ADAMTSL1: variants seen among roughly 807,000 people sequenced by gnomAD.
ADAMTSL1 encodes the protein ADAMTS-like protein 1.
In ADAMTSL1, 126 loss-of-function variants were observed where a neutral mutation model predicts 201.8. The ratio of observed to expected loss-of-function variants is 0.62; its 90% CI spans 0.54 to 0.72. The LOEUF (loss-of-function observed/expected upper bound fraction) is 0.72, where lower values mean the gene tolerates loss of function less well. Among genes scored for constraint, ADAMTSL1 ranks in the 30% least tolerant of loss-of-function variants. The probability of loss-of-function intolerance (pLI) is 0.00; values close to 1 mark genes in which losing one functional copy is unlikely to be tolerated. For synonymous variants in ADAMTSL1, 1,121 were observed against 903.4 expected (o/e 1.24, Z -4.32); for missense variants, 2,679 against 2,277.8 (o/e 1.18, Z -3.59).
intron 1 of ADAMTSL1, among the ~76,000 whole-genome samples, chr9:18,018,884 G>C (rs1346371504): frequency 6.6e-6 from 1 of 152,036 alleles, no homozygotes; most frequent in Non-Finnish European, 1.5e-5. Flanking sequence ...CTGGAAGTGG[G>C]AGCATTGCCA....
In ADAMTSL1 at chr9:18,192,957, A is replaced by G. The variant is rs113087471; in HGVS notation, c.207+28976A>G. On this transcript the variant is annotated intron_variant, in intron 2 of 29. Coordinates refer to the ADAMTSL1 transcript ENST00000680146. ...TTCCTATTTTAACTTTATATATAATATACACAGGAACTATCTAACCAGAGA... is the reference window on the plus strand; with the variant it reads ...TTCCTATTTTAACTTTATATATAATGTACACAGGAACTATCTAACCAGAGA... Among the ~76,000 whole-genome samples the G allele has an allele frequency of 3.9e-5, 6 of 152,312 alleles. 2 individuals carry two copies. The highest frequency in any genetic ancestry group is 1.4e-4 in the African/African-American group (6 of 41,584).
intron 2 of ADAMTSL1, among the ~76,000 whole-genome samples, chr9:18,199,339 G>A (rs1829332474): frequency 6.6e-6 from 1 of 152,022 alleles, no homozygotes; most frequent in Non-Finnish European, 1.5e-5. Context: ...ATGCAGGTCA[G>A]TGTGTATTTT....
chr9:18,391,257 C>T (rs776757521), intron 2 of ADAMTSL1, among the ~76,000 whole-genome samples: 13 of 152,076 alleles, frequency 8.5e-5, no homozygotes, highest in Non-Finnish European at 1.5e-4. Context: ...ACTTTCTTGG[C>T]CTTTTCAAGT....
chr9:17,974,487 G>C (rs1450072340), intron 1 of ADAMTSL1, among the ~76,000 whole-genome samples: 1 of 151,908 alleles, frequency 6.6e-6, no homozygotes, highest in East Asian at 1.9e-4. Context: ...CTACGTAACT[G>C]AAACTTTGTA....
intron 2 of ADAMTSL1, among the ~76,000 whole-genome samples, chr9:18,298,545 G>T (rs906605096): frequency 6.6e-6 from 1 of 152,004 alleles, no homozygotes; most frequent in African/African-American, 2.4e-5. Context: ...GTGTGTGCAC[G>T]TGTGTGTCCG....
chr9:18,878,380 C>T (rs1456134393), intron 23 of ADAMTSL1, among the ~76,000 whole-genome samples: 1 of 152,242 alleles, frequency 6.6e-6, no homozygotes, highest in East Asian at 1.9e-4. Flanking sequence ...GGTCTTTCCC[C>T]AATTCCACTG....
At chr9:18,155,950 T>C (rs569894626) in intron 1 of ADAMTSL1, among the ~76,000 whole-genome samples, 1 of 152,142 alleles carries the variant, frequency 6.6e-6, no homozygotes, top group African/African-American at 2.4e-5. Flanking sequence ...GGAAGAGCTA[T>C]CAGATTGCAG....
intron 23 of ADAMTSL1, among the ~76,000 whole-genome samples, chr9:18,835,415 C>A (rs1332535828): frequency 6.6e-6 from 1 of 152,078 alleles, no homozygotes; most frequent in Non-Finnish European, 1.5e-5. Flanking sequence ...CAGTCAGCAG[C>A]TATATTTTCA....
chr9:18,050,016 A>G (rs1821858167), intron 1 of ADAMTSL1, among the ~76,000 whole-genome samples: 1 of 152,220 alleles, frequency 6.6e-6, no homozygotes, highest in Non-Finnish European at 1.5e-5. Flanking sequence ...CAGGAAGCAC[A>G]ACAGATACCA....
At chr9:17,933,144 A>C (rs946123858) in intron 1 of ADAMTSL1, among the ~76,000 whole-genome samples, 2 of 152,184 alleles carry the variant, frequency 1.3e-5, no homozygotes, top group Admixed American at 6.5e-5. Flanking sequence ...TAAAGGTTTC[A>C]GCAGATGCCA....
intron 14 of ADAMTSL1, among the ~76,000 whole-genome samples, chr9:18,708,786 G>A (rs1832381057): frequency 6.6e-6 from 1 of 152,180 alleles, no homozygotes; most frequent in African/African-American, 2.4e-5. Context: ...AGTCAAGCCT[G>A]GAATTTTATG....
intron 2 of ADAMTSL1, among the ~76,000 whole-genome samples, chr9:18,245,301 G>A (rs375580876): frequency 2.6e-4 from 39 of 152,022 alleles, no homozygotes; most frequent in African/African-American, 8.5e-4. Context: ...TTGTTTTGAC[G>A]TTCAATCAAT....
At chr9:18,480,944 C>A (rs989885141) in intron 1 of ADAMTSL1, among the ~76,000 whole-genome samples, 2 of 152,044 alleles carry the variant, frequency 1.3e-5, no homozygotes, top group African/African-American at 4.8e-5. Context: ...GTTGAAATCT[C>A]CTGGGACAGA....
chr9:18,316,446 T>TA, intron 2 of ADAMTSL1, among the ~76,000 whole-genome samples: 1 of 151,946 alleles, frequency 6.6e-6, no homozygotes, highest in East Asian at 1.9e-4. Context: ...TATAGGCCTA[T>TA]ACCTCCAGGC....
chr9:18,685,528 C>G (rs899586620), intron 13 of ADAMTSL1, among the ~76,000 whole-genome samples: 1 of 152,132 alleles, frequency 6.6e-6, no homozygotes, highest in African/African-American at 2.4e-5. Flanking sequence ...TCATCTATGA[C>G]CCAAGAAATT....
chr9:18,622,095 A>C (rs945023961), intron 4 of ADAMTSL1, 148 bp from the exon 5 acceptor site: 2 of 1,009,230 alleles, frequency 2.0e-6, no homozygotes, highest in African/African-American at 3.3e-5. Context: ...AGCTTGATTT[A>C]AATTCCAGTT....
At chr9:18,238,492 G>A (rs1396957951) in intron 2 of ADAMTSL1, among the ~76,000 whole-genome samples, 1 of 152,106 alleles carries the variant, frequency 6.6e-6, no homozygotes, top group South Asian at 2.1e-4. Context: ...GTGTACTGTA[G>A]CTGTTACTTA....
intron 23 of ADAMTSL1, among the ~76,000 whole-genome samples, chr9:18,838,943 T>G (rs1038297334): frequency 6.6e-6 from 1 of 151,670 alleles, no homozygotes; most frequent in African/African-American, 2.4e-5. Context: ...AGTGCCTTTT[T>G]CCAGCATCTT....
At chr9:18,552,514 AT>A (rs1275758336) in intron 3 of ADAMTSL1, among the ~76,000 whole-genome samples, 1 of 151,812 alleles carries the variant, frequency 6.6e-6, no homozygotes, top group East Asian at 1.9e-4. Flanking sequence ...TGTAGAGAAC[AT>A]GTTTTCCTGC....
Sources: allele counts gnomAD v4.1 joint callset (sites outside exome capture counted in the v4.1 genomes callset), GRCh38; gene constraint gnomAD v4.1.1; transcripts MANE v1.5; gene names NCBI Gene and HGNC (gene_info 2026-07-23, HGNC 2026-07-21).